ABCF2: variants seen among roughly 807,000 people sequenced by gnomAD.
The protein encoded by ABCF2 is ATP-binding cassette sub-family F member 2.
Under a neutral mutation model 76.9 loss-of-function variants are expected in ABCF2, and 37 were observed. That is an observed-to-expected ratio of 0.48 (90% CI 0.37 to 0.63). The LOEUF is 0.63. ABCF2 is among the 30% of genes least tolerant of loss of function. The pLI is 0.00. For missense variants in ABCF2, 524 were observed against 782.1 expected (o/e 0.67, Z 3.94); for synonymous variants, 299 against 283.7 (o/e 1.05, Z -0.54).
rs372437882 is a variant in ABCF2 at position 151,215,650 on chromosome 7, T to G, written c.1484A>C (p.Glu495Ala). ...KCYPEIKEKE[E>A]MRKIIGRYGL... is the part of the protein sequence containing the mutation. Reference sequence around the variant, plus strand: ...GTATCGCCCAATGATCTTCCTCATTTCTTCCTTCTCCTTGATCTCTGGGTA... The same window carrying G: ...GTATCGCCCAATGATCTTCCTCATTGCTTCCTTCTCCTTGATCTCTGGGTA... The change falls in exon 13 of 15, where the codon GAA (glutamate) becomes GCA (alanine). Residue 495 changes from glutamate (E) to alanine (A), a missense_variant. Glu to Ala is a moderately radical substitution (Grantham distance 107, BLOSUM62 -1). Around this residue, in one of 2 missense-constraint regions of ABCF2, gnomAD observed 194 missense variants for 348.6 expected, o/e 0.56. Transcript: ENST00000287844. The surrounding 1 kb of genome is among the most constrained non-coding windows in gnomAD (Gnocchi z 4.6). The G allele has an allele frequency of 1.9e-6, 3 of 1,614,062 alleles. No homozygotes were observed. Among genetic ancestry groups the G allele is most frequent in the African/African-American group, 2.7e-5 (2 of 74,924 alleles).
intron 2 of ABCF2, 98 bp downstream of exon 2, chr7:151,226,207 T>C (rs1802369230): frequency 7.3e-7 from 1 of 1,368,468 alleles, no homozygotes; most frequent in Non-Finnish European, 1.0e-6. Flanking sequence ...TGACACCAGA[T>C]ACATTCTCCA....
chr7:151,220,387 C>CAAAAAAA (rs10706364), intron 7 of ABCF2, among the ~76,000 whole-genome samples: 1 of 82,490 alleles, frequency 1.2e-5, no homozygotes, highest in Non-Finnish European at 2.3e-5. Context: ...GACTCCAGCT[C>CAAAAAAA]AAAAAAAAAA....
Position 151,219,153 on chromosome 7 carries a change from A to G in ABCF2, c.928T>C (p.Tyr310His), listed in dbSNP as rs1304348069. The G allele has an allele frequency of 1.9e-6, 3 of 1,613,714 alleles. No homozygotes were observed. Among genetic ancestry groups the G allele is most frequent in the South Asian group, 1.1e-5 (1 of 91,076 alleles). The change falls in exon 8 of 15, where the codon TAT (tyrosine) becomes CAT (histidine). Residue 310 changes from tyrosine to histidine, a missense_variant. By Grantham distance (83) the Tyr-to-His change is moderately conservative (BLOSUM62 2). Around this residue, in one of 2 missense-constraint regions of ABCF2, gnomAD observed 330 missense variants for 433.6 expected, o/e 0.76. Transcript: ENST00000287844. Reference protein sequence around the residue: ...NKKLKYYTGNYDQYVKTRLEL... With the variant: ...NKKLKYYTGNHDQYVKTRLEL... ...AGCCGCGTCTTCACGTACTGATCAT[A>G]ATTACCCTGCATGGAAATGTGCCAG...
Position 151,213,768 on chromosome 7 carries a change from T to C in ABCF2, c.*286A>G. On this transcript the variant is annotated 3_prime_UTR_variant, in exon 15 of 15. Transcript: ENST00000287844. ...GGGCTAACCCGCAGGTGCCTCTGAC[T>C]GCATCACACTCAGAGTAAGATAACC... 8.3e-7 allele frequency: 1 copy of C among 1,197,772 alleles called. No individual in the cohort carries two copies. The highest frequency in any genetic ancestry group is 1.0e-6 in the Non-Finnish European group (1 of 963,838). The allele number at this position is 1,197,772 out of a possible 1,614,324, so 74.2% of individuals were successfully genotyped here. A position where few individuals can be genotyped will look rare whatever the true frequency, so the allele number is the denominator to read the frequency against.
chr7:151,212,491 C>G lies in ABCF2; in HGVS notation c.*1563G>C, dbSNP rs1802066420. 5.1e-6 allele frequency: 5 copies of G among 985,318 alleles called. No homozygotes were observed. The South Asian group carries it at 2.3e-4, about 46-fold the overall frequency. 61.0% of individuals were successfully genotyped at this position (985,318 alleles called of 1,614,324 possible). On this transcript the variant is annotated 3_prime_UTR_variant, in exon 15 of 15. Transcript: ENST00000287844. ...GCGATTAATCAATAGGTCTGATGCT[C>G]AGCAATCTGAATTTTTTTATTTTTT...
At position 151,212,771 on chromosome 7, in the gene ABCF2, G is replaced by A. The variant is rs568899738; in HGVS notation, c.*1283C>T. The A allele has an allele frequency of 1.9e-5, 3 of 155,366 alleles. No individual in the cohort carries two copies. The highest frequency in any genetic ancestry group is 2.8e-5 in the Non-Finnish European group (2 of 71,022). The allele number at this position is 155,366 out of a possible 1,614,324, so 9.6% of individuals were successfully genotyped here. Reference sequence around the variant, plus strand: ...CTCCCAAGGTGATGAGCTTACAGTCGGATTACAGGTGTGAGCCACTGTGCC... The same window carrying A: ...CTCCCAAGGTGATGAGCTTACAGTCAGATTACAGGTGTGAGCCACTGTGCC... On this transcript the variant is annotated 3_prime_UTR_variant, in exon 15 of 15. Transcript: ENST00000287844.
intron 2 of ABCF2, 32 bp from the exon 3 acceptor site, chr7:151,225,020 C>T (rs555907968): frequency 6.3e-6 from 10 of 1,596,306 alleles, no homozygotes; most frequent in South Asian, 3.3e-5. Context: ...GGGAAGATGG[C>T]GTGAGACAGA....
Position 151,213,207 on chromosome 7 carries a change from G to GT in ABCF2, c.*846dup. The GT allele has an allele frequency of 2.5e-5, 25 of 982,766 alleles. No homozygotes were observed. The highest frequency in any genetic ancestry group is 2.9e-5 in the Non-Finnish European group (24 of 827,538). 60.9% of individuals were successfully genotyped at this position (982,766 alleles called of 1,614,324 possible). A position where few individuals can be genotyped will look rare whatever the true frequency, so the allele number is the denominator to read the frequency against. On this transcript the variant is annotated 3_prime_UTR_variant, in exon 15 of 15. Transcript: ENST00000287844. The stretch of plus-strand genomic sequence containing the variant: ...CATCACCTGGAAACTTGCTAGAAAT[G>GT]TTAACGTTCTTGGTCTCCCCCAAAA...
chr7:151,218,947 T>C, intron 8 of ABCF2, 74 bp from the exon 9 acceptor site: 1 of 1,608,602 alleles, frequency 6.2e-7, no homozygotes, highest in South Asian at 1.1e-5. Context: ...GGTAAAAATG[T>C]TGATCGTAAC....
chr7:151,224,017 G>A lies in ABCF2; in HGVS notation c.465C>T (p.Asp155=). ...YHLTREMPPS[D]KTPLHCVMEV... ...CCATCACACAATGCAAGGGTGTCTT[G>A]TCACTAGGGGGCATCTCTCGAGTCA... is the stretch of plus-strand genomic sequence containing the variant. Residue 155 remains aspartate, a synonymous_variant, in exon 4 of 15, where the codon GAC becomes GAT. Transcript: ENST00000287844. The A allele has an allele frequency of 6.2e-7, 1 of 1,614,138 alleles. No individual in the cohort carries two copies. Among genetic ancestry groups the A allele is most frequent in the Non-Finnish European group, 8.5e-7 (1 of 1,180,000 alleles).
Position 151,211,834 on chromosome 7 carries a change from C to G in ABCF2, c.*2220G>C. 2 of 985,416 alleles carry G rather than the reference C, an allele frequency of 2.0e-6. No individual in the cohort carries two copies. The highest frequency in any genetic ancestry group is 2.4e-6 in the Non-Finnish European group (2 of 829,916). 61.0% of individuals were successfully genotyped at this position (985,416 alleles called of 1,614,324 possible). A position where few individuals can be genotyped will look rare whatever the true frequency, so the allele number is the denominator to read the frequency against. ...AGGCATAAAGCAGTCAAGCCAGTAC[C>G]CTCTGGGGTCAGAGGACTCCCATCT... On this transcript the variant is annotated 3_prime_UTR_variant, in exon 15 of 15. Coordinates refer to ENST00000287844, the MANE Select transcript of ABCF2 (RefSeq NM_007189.3).
In ABCF2 at chr7:151,213,649, C is replaced by T. The variant is rs373554417; in HGVS notation, c.*405G>A. Reference sequence around the variant, plus strand: ...AACCAGAAGCAAAAAGGAATCGGGGCGGTGGGCTGGGGGGTACTCCTCCAA... The same window carrying T: ...AACCAGAAGCAAAAAGGAATCGGGGTGGTGGGCTGGGGGGTACTCCTCCAA... On this transcript the variant is annotated 3_prime_UTR_variant, in exon 15 of 15. Transcript: ENST00000287844. 6.0e-6 allele frequency: 6 copies of T among 1,002,534 alleles called. No individual in the cohort carries two copies. The highest frequency in any genetic ancestry group is 1.2e-4 in the Admixed American group (2 of 16,666). 62.1% of individuals were successfully genotyped at this position (1,002,534 alleles called of 1,614,324 possible).
intron 1 of ABCF2, chr7:151,226,913 C>T (rs1802384995): frequency 6.4e-6 from 1 of 155,252 alleles, no homozygotes; most frequent in African/African-American, 2.4e-5. Flanking sequence ...TCCCTCTCCA[C>T]ATCACCCGGC....
chr7:151,225,047 G>C, intron 2 of ABCF2, 59 bp from the exon 3 acceptor site: 1 of 1,491,746 alleles, frequency 6.7e-7, no homozygotes, highest in African/African-American at 1.4e-5. Context: ...TCTCCACAAA[G>C]GTCAACGTCC....
chr7:151,224,718 TGTGA>T, intron 3 of ABCF2, 54 bp downstream of exon 3: 2 of 1,477,068 alleles, frequency 1.4e-6, no homozygotes, highest in Non-Finnish European at 1.9e-6. Flanking sequence ...AATAAATGCT[TGTGA>T]GTGACAGATG....
At chr7:151,224,659 G>A (rs1802337778) in intron 3 of ABCF2, 117 bp downstream of exon 3, 2 of 934,158 alleles carry the variant, frequency 2.1e-6, no homozygotes, top group African/African-American at 3.3e-5. Context: ...ACATAATCTG[G>A]TCTCCCATCC....
chr7:151,213,466 GGGA>G lies in ABCF2; in HGVS notation c.*585_*587del, dbSNP rs1440727778. ...GTGGGCAGTGCATGTTGGCACTGCA[GGGA>G]GGAGAAGGCCCCAGAGACCCGAGAA... On this transcript the variant is annotated 3_prime_UTR_variant, in exon 15 of 15. Coordinates refer to ENST00000287844, the MANE Select transcript of ABCF2 (RefSeq NM_007189.3). 70 of 985,732 alleles carry G rather than the reference GGGA, an allele frequency of 7.1e-5. No homozygotes were observed. Among genetic ancestry groups the G allele is most frequent in the East Asian group, 2.3e-4 (2 of 8,822 alleles). The allele number at this position is 985,732 out of a possible 1,614,324, so 61.1% of individuals were successfully genotyped here.
rs776015876 is a variant in ABCF2 at position 151,212,902 on chromosome 7, G to A, written c.*1152C>T. On this transcript the variant is annotated 3_prime_UTR_variant, in exon 15 of 15. Coordinates refer to ENST00000287844, the MANE Select transcript of ABCF2 (RefSeq NM_007189.3). ...CAACCTCCACCTCCTGGGCTCAAGC[G>A]ATCCATCCACCCTAGCCACCTGAGC... The A allele has an allele frequency of 1.7e-4, 34 of 196,506 alleles. No homozygotes were observed. The highest frequency in any genetic ancestry group is 2.9e-4 in the Non-Finnish European group (31 of 108,712). 12.2% of individuals were successfully genotyped at this position (196,506 alleles called of 1,614,324 possible).
At chr7:151,226,926 T>G in intron 1 of ABCF2, 1 of 153,718 alleles carries the variant, frequency 6.5e-6, no homozygotes, top group Non-Finnish European at 1.5e-5. Context: ...CACCCGGCCG[T>G]CGAGCCCAGC....
Sources: gnomAD v4.1 joint callset for allele counts (sites outside exome capture counted in the v4.1 genomes callset) on GRCh38, gnomAD v4.1.1 for gene constraint, gnomAD v4.1.1 regional missense constraint, Gnocchi (gnomAD v3.1) non-coding constraint, MANE v1.5 for transcripts, NCBI Gene and HGNC (gene_info 2026-07-23, HGNC 2026-07-21) for gene names.